Variants in TAFA2 observed in about 807,000 individuals in gnomAD.
TAFA2 encodes the protein TAFA chemokine like family member 2, also known as chemokine-like protein TAFA-2.
In TAFA2, 7 loss-of-function variants were observed where a neutral mutation model predicts 18.8. That is an observed-to-expected ratio of 0.37 (90% CI 0.21 to 0.70). The LOEUF is 0.70. Ranked by LOEUF, TAFA2 falls within the 30% of genes least tolerant of loss-of-function variation. The pLI, the probability that TAFA2 is intolerant of heterozygous loss-of-function variation, is 0.53. For synonymous variants in TAFA2, 60 were observed against 54.2 expected (o/e 1.11, Z -0.47); for missense variants, 122 against 158.1 (o/e 0.77, Z 1.23).
At chr12:62,142,635 GA>G (rs1369890031) in intron 1 of TAFA2, among the ~76,000 whole-genome samples, 3 of 152,180 alleles carry the variant, frequency 2.0e-5, no homozygotes, top group Non-Finnish European at 2.9e-5. Context: ...ACCCAAGTCA[GA>G]TCTTTCTATT....
intron 1 of TAFA2, among the ~76,000 whole-genome samples, chr12:61,907,076 G>C (rs1876389293): frequency 6.6e-6 from 1 of 152,206 alleles, no homozygotes; most frequent in African/African-American, 2.4e-5. Flanking sequence ...TTTGTAGCCT[G>C]ATGATGTGAT....
At chr12:61,832,662 T>C (rs1645462722) in intron 2 of TAFA2, among the ~76,000 whole-genome samples, 3 of 152,090 alleles carry the variant, frequency 2.0e-5, no homozygotes, top group Non-Finnish European at 2.9e-5. Flanking sequence ...GCTGGCCATA[T>C]CCAGTGTCCT....
At chr12:61,789,920 A>G (rs1007298770) in intron 2 of TAFA2, among the ~76,000 whole-genome samples, 1 of 151,818 alleles carries the variant, frequency 6.6e-6, no homozygotes, top group African/African-American at 2.4e-5. Context: ...AAAAAGGAAA[A>G]CTACAGGCCA....
intron 2 of TAFA2, among the ~76,000 whole-genome samples, chr12:61,836,221 T>C (rs1872913507): frequency 6.6e-6 from 1 of 151,992 alleles, no homozygotes; most frequent in South Asian, 2.1e-4. Flanking sequence ...AAACTGATGC[T>C]ATTTGAATGT....
At chr12:61,859,057 C>G (rs1326804556) in intron 2 of TAFA2, among the ~76,000 whole-genome samples, 1 of 152,186 alleles carries the variant, frequency 6.6e-6, no homozygotes, top group Non-Finnish European at 1.5e-5. Flanking sequence ...CATTTTCATA[C>G]TGCTATAAAG....
At chr12:61,789,289 G>T (rs1235648762) in intron 2 of TAFA2, among the ~76,000 whole-genome samples, 3 of 151,890 alleles carry the variant, frequency 2.0e-5, no homozygotes, top group African/African-American at 7.2e-5. Context: ...TTACATTTAA[G>T]TCTTTATTTC....
chr12:61,984,327 G>C (rs1879743701), intron 1 of TAFA2, among the ~76,000 whole-genome samples: 1 of 152,194 alleles, frequency 6.6e-6, no homozygotes, highest in Non-Finnish European at 1.5e-5. Context: ...TTCATGCAAG[G>C]ATACAGATGA....
intron 1 of TAFA2, chr12:62,252,612 C>A (rs1329144491): frequency 6.6e-6 from 1 of 152,164 alleles, no homozygotes; most frequent in Non-Finnish European, 1.5e-5. Flanking sequence ...GCAACATATG[C>A]TGGCCATTGA....
chr12:62,137,163 T>G lies in TAFA2; in HGVS notation c.-2+54096A>C, dbSNP rs115153803. ...ACCCCTGCTACCTCAAGGACAGATATGTAGAGAAATGTCCTGCACCGATTC... is the reference window on the plus strand; with the variant it reads ...ACCCCTGCTACCTCAAGGACAGATAGGTAGAGAAATGTCCTGCACCGATTC... On this transcript the variant is annotated intron_variant, in intron 1 of 4. Transcript: ENST00000416284. 2.1e-3 allele frequency among the ~76,000 whole-genome samples: 317 copies of G among 152,226 alleles called. 1 individual carries two copies. Among genetic ancestry groups the G allele is most frequent in the African/African-American group, 7.5e-3 (310 of 41,548 alleles).
chr12:62,076,761 C>T (rs1207566223), intron 1 of TAFA2, among the ~76,000 whole-genome samples: 1 of 152,172 alleles, frequency 6.6e-6, no homozygotes, highest in Non-Finnish European at 1.5e-5. Flanking sequence ...ACACAAAGCA[C>T]AAGGAAGAAA....
intron 1 of TAFA2, among the ~76,000 whole-genome samples, chr12:61,910,513 C>A (rs940462155): frequency 6.6e-6 from 1 of 152,172 alleles, no homozygotes; most frequent in African/African-American, 2.4e-5. Flanking sequence ...CAGAGGTTGA[C>A]TCCAAGATAA....
chr12:61,845,868 G>A (rs2121142721), intron 2 of TAFA2, among the ~76,000 whole-genome samples: 1 of 152,052 alleles, frequency 6.6e-6, no homozygotes, highest in East Asian at 1.9e-4. Flanking sequence ...CCATATGGAA[G>A]GAGTCCAAAA....
At chr12:62,072,981 A>G (rs10877787) in intron 1 of TAFA2, among the ~76,000 whole-genome samples, 34,908 of 152,166 alleles carry the variant, frequency 0.23, 4,458 homozygotes, top group East Asian at 0.47. Context: ...AACCTAAAAA[A>G]TGTTCTTGTT....
chr12:62,194,435 T>C (rs1475099276), upstream of TAFA2, among the ~76,000 whole-genome samples: 1 of 152,210 alleles, frequency 6.6e-6, no homozygotes, highest in African/African-American at 2.4e-5. Flanking sequence ...TTATTTGTAT[T>C]GTTTAAGTGT....
intron 1 of TAFA2, among the ~76,000 whole-genome samples, chr12:62,179,344 A>T (rs1018292380): frequency 2.0e-5 from 3 of 152,148 alleles, no homozygotes; most frequent in African/African-American, 7.2e-5. Flanking sequence ...TAGAAGCATT[A>T]TATGCTTCTA....
At position 61,718,418 on chromosome 12, in the gene TAFA2, T is replaced by C. The variant is rs569203514; in HGVS notation, c.385-8001A>G. On this transcript the variant is annotated intron_variant, in intron 4 of 4. Coordinates refer to ENST00000416284, the MANE Select transcript of TAFA2 (RefSeq NM_178539.5). The stretch of plus-strand genomic sequence containing the variant: ...CCTTTGACACTTTAAAAAACATTTG[T>C]TAAGACAAGACTTTGCTTCCCCTTC... Among the ~76,000 whole-genome samples, 6 of 152,338 alleles carry C rather than the reference T, an allele frequency of 3.9e-5. No homozygotes were observed. The East Asian group carries it at 1.2e-3, about 29-fold the overall frequency.
At chr12:61,839,038 C>A (rs754601132) in intron 2 of TAFA2, among the ~76,000 whole-genome samples, 1 of 151,972 alleles carries the variant, frequency 6.6e-6, no homozygotes, top group African/African-American at 2.4e-5. Context: ...ATAGAAAGTG[C>A]GCAAACGGTG....
At chr12:62,234,027 A>T (rs1207453526) in intron 1 of TAFA2, among the ~76,000 whole-genome samples, 1 of 152,136 alleles carries the variant, frequency 6.6e-6, no homozygotes, top group African/African-American at 2.4e-5. Context: ...TTTGTCTATG[A>T]TCTTTCTGCT....
chr12:62,065,878 C>A (rs555655296), intron 1 of TAFA2, among the ~76,000 whole-genome samples: 1 of 151,994 alleles, frequency 6.6e-6, no homozygotes, highest in East Asian at 1.9e-4. Flanking sequence ...GCAGAACACA[C>A]CAACAGCCTC....
Sources: allele counts gnomAD v4.1 joint callset (sites outside exome capture counted in the v4.1 genomes callset), GRCh38; gene constraint gnomAD v4.1.1; transcripts MANE v1.5; gene names NCBI Gene and HGNC (gene_info 2026-07-23, HGNC 2026-07-21).